Variants in RB1 observed in about 807,000 individuals in gnomAD.
The protein encoded by RB1 is retinoblastoma-associated protein.
RB1 carries 18 observed loss-of-function variants against 135.4 expected under a neutral mutation model. The ratio of observed to expected loss-of-function variants is 0.13; its 90% CI spans 0.09 to 0.20. The LOEUF is 0.20. Among genes scored for constraint, RB1 ranks in the 10% least tolerant of loss-of-function variants. The probability of loss-of-function intolerance (pLI) is 1.00; values close to 1 mark genes in which losing one functional copy is unlikely to be tolerated. For missense variants in RB1, 868 were observed against 1,110.0 expected (o/e 0.78, Z 3.10); for synonymous variants, 365 against 373.2 (o/e 0.98, Z 0.25).
chr13:48,358,941 A>G (rs1052732204), intron 6 of RB1, among the ~76,000 whole-genome samples: 1 of 152,150 alleles, frequency 6.6e-6, no homozygotes, highest in Non-Finnish European at 1.5e-5. Context: ...ATTTGTGAAT[A>G]TATTGCAGAC....
Position 48,377,024 on chromosome 13 carries a change from T to C in RB1, c.1322T>C (p.Ile441Thr). 2 of 1,613,686 alleles carry C rather than the reference T, an allele frequency of 1.2e-6. No individual in the cohort carries two copies. The highest frequency in any genetic ancestry group is 1.7e-6 in the Non-Finnish European group (2 of 1,179,776). Reference protein sequence around the residue: ...AKAVGQGCVEIGSQRYKLGVR... With the variant: ...AKAVGQGCVETGSQRYKLGVR... ...GCTGTGGGACAGGGTTGTGTCGAAA[T>C]TGGATCACAGGTAACTTGAATTCAT... Residue 441 changes from isoleucine (I) to threonine (T), a missense_variant, in exon 13 of 27, where the codon ATT becomes ACT. Coordinates refer to ENST00000267163, the MANE Select transcript of RB1 (RefSeq NM_000321.3).
intron 17 of RB1, among the ~76,000 whole-genome samples, chr13:48,427,234 C>A: frequency 1.2e-5 from 1 of 82,154 alleles, no homozygotes; most frequent in African/African-American, 5.0e-5. Flanking sequence ...TTCTACCAAA[C>A]CTCACCTCCA....
intron 20 of RB1, among the ~76,000 whole-genome samples, chr13:48,461,836 A>AT (rs570746819): frequency 9.4e-4 from 142 of 151,680 alleles, no homozygotes; most frequent in African/African-American, 3.3e-3. Flanking sequence ...TTTTTTATTT[A>AT]TTTTTTTTAT....
At position 48,360,072 on chromosome 13, in the gene RB1, T is replaced by C. The variant is rs577338869; in HGVS notation, c.663T>C (p.Cys221=). 1 of 1,612,870 alleles carries C rather than the reference T, an allele frequency of 6.2e-7. No individual in the cohort carries two copies. Among genetic ancestry groups the C allele is most frequent in the East Asian group, 2.2e-5 (1 of 44,748 alleles). ...TGATTTCATTTCAGTTAATGCTATGTGTCCTTGACTATTTTATTAAACTCT... is the reference window on the plus strand; with the variant it reads ...TGATTTCATTTCAGTTAATGCTATGCGTCCTTGACTATTTTATTAAACTCT... ...DLVISFQLML[C]VLDYFIKLSP... Residue 221 remains cysteine (C), a synonymous_variant, in exon 7 of 27, where the codon TGT becomes TGC. Coordinates refer to ENST00000267163, the MANE Select transcript of RB1 (RefSeq NM_000321.3).
At chr13:48,439,674 T>A (rs1949217495) in intron 17 of RB1, 1 of 152,174 alleles carries the variant, frequency 6.6e-6, no homozygotes, top group African/African-American at 2.4e-5. Flanking sequence ...AGCTATTGAA[T>A]GTGTTATGAT....
At chr13:48,323,138 C>A (rs1455225971) in intron 2 of RB1, among the ~76,000 whole-genome samples, 1 of 151,908 alleles carries the variant, frequency 6.6e-6, no homozygotes. Context: ...ATCAGTGATG[C>A]CATCTGGGCC....
chr13:48,304,201 G>A, intron 1 of RB1, 152 bp downstream of exon 1: 1 of 909,888 alleles, frequency 1.1e-6, no homozygotes, highest in African/African-American at 1.8e-5. Context: ...CCACGGCGGA[G>A]CGTCTGCAGA....
intron 2 of RB1, among the ~76,000 whole-genome samples, chr13:48,331,928 T>A (rs1450477814): frequency 6.6e-6 from 1 of 152,246 alleles, no homozygotes; most frequent in Non-Finnish European, 1.5e-5. Flanking sequence ...AAACCCATTG[T>A]AAGTCAAAAA....
rs1421829581 is a variant in RB1 at position 48,327,367 on chromosome 13, A to G, written c.265-15232A>G. Among the ~76,000 whole-genome samples the G allele has an allele frequency of 2.0e-5, 3 of 152,200 alleles. No homozygotes were observed. In the East Asian group the frequency reaches 5.8e-4, roughly 29 times the overall value. ...AATAAACAAAAAACAAGAGAAGCAC[A>G]TTCAAAATACTGATTTACTTTGGTA... On this transcript the variant is annotated intron_variant, in intron 2 of 26. Transcript: ENST00000267163.
intron 2 of RB1, among the ~76,000 whole-genome samples, chr13:48,327,610 C>A (rs1236814754): frequency 1.3e-5 from 2 of 152,130 alleles, no homozygotes; most frequent in African/African-American, 2.4e-5. Flanking sequence ...TCTAAATGTA[C>A]TTTCAGTCAA....
intron 2 of RB1, among the ~76,000 whole-genome samples, chr13:48,308,424 C>G (rs1488622666): frequency 1.3e-5 from 2 of 152,016 alleles, no homozygotes; most frequent in Non-Finnish European, 2.9e-5. Flanking sequence ...GAGGCCCAGG[C>G]AGGTGATCAC....
At chr13:48,350,781 T>G (rs1484205659) in intron 6 of RB1, among the ~76,000 whole-genome samples, 2 of 151,954 alleles carry the variant, frequency 1.3e-5, no homozygotes, top group Admixed American at 6.6e-5. Flanking sequence ...ATCTTTGTGT[T>G]CTTCAGTTTT....
chr13:48,386,383 C>T (rs1593459830), intron 17 of RB1, among the ~76,000 whole-genome samples: 2 of 151,642 alleles, frequency 1.3e-5, no homozygotes, highest in East Asian at 3.9e-4. Flanking sequence ...TTAATCTCCA[C>T]TCTTGAGTAT....
At chr13:48,451,432 G>A (rs768313604) in intron 17 of RB1, among the ~76,000 whole-genome samples, 5 of 152,114 alleles carry the variant, frequency 3.3e-5, no homozygotes, top group Non-Finnish European at 7.4e-5. Context: ...TTATTGGTTT[G>A]CATATGTTGA....
At chr13:48,448,944 T>G (rs1949308013) in intron 17 of RB1, among the ~76,000 whole-genome samples, 1 of 152,230 alleles carries the variant, frequency 6.6e-6, no homozygotes, top group Non-Finnish European at 1.5e-5. Flanking sequence ...TATCTCTAAT[T>G]CCAGGACCTG....
intron 17 of RB1, among the ~76,000 whole-genome samples, chr13:48,384,315 A>T (rs1227941077): frequency 6.6e-6 from 1 of 152,132 alleles, no homozygotes; most frequent in Non-Finnish European, 1.5e-5. Flanking sequence ...AAAAACCTTG[A>T]GTGGTAGTGG....
intron 2 of RB1, chr13:48,318,384 C>T (rs1257902774): frequency 6.7e-7 from 1 of 1,495,598 alleles, no homozygotes; most frequent in Non-Finnish European, 9.1e-7. Flanking sequence ...TCGCTTGGAC[C>T]TTAAGTCCTT....
intron 17 of RB1, among the ~76,000 whole-genome samples, chr13:48,430,093 A>G (rs892272503): frequency 3.9e-5 from 6 of 152,132 alleles, no homozygotes; most frequent in African/African-American, 1.4e-4. Context: ...TCCCCTCCTA[A>G]TTTGCATTCT....
intron 17 of RB1, among the ~76,000 whole-genome samples, chr13:48,401,748 C>T (rs1014824162): frequency 2.0e-5 from 3 of 152,090 alleles, no homozygotes; most frequent in Non-Finnish European, 4.4e-5. Flanking sequence ...GATAAGGAAA[C>T]GTAGAATAGG....
Sources: gnomAD v4.1 joint callset for allele counts (sites outside exome capture counted in the v4.1 genomes callset) on GRCh38, gnomAD v4.1.1 for gene constraint, MANE v1.5 for transcripts, NCBI Gene and HGNC (gene_info 2026-07-23, HGNC 2026-07-21) for gene names.